Variants in ZFYVE16 observed in about 807,000 individuals in gnomAD.
ZFYVE16 encodes zinc finger FYVE domain-containing protein 16.
A neutral mutation model predicts 138.1 loss-of-function variants in ZFYVE16; 89 were observed. The observed-to-expected ratio is 0.64, with a 90% CI of 0.54 to 0.77. The LOEUF is 0.77. ZFYVE16 is among the 30% of genes least tolerant of loss of function. The probability of loss-of-function intolerance (pLI) is 0.00; values close to 1 mark genes in which losing one functional copy is unlikely to be tolerated. For synonymous variants in ZFYVE16, 596 were observed against 618.3 expected, an observed-to-expected ratio of 0.96 and a Z score of 0.53; for missense variants, 1,793 against 1,786.7, an observed-to-expected ratio of 1.00 and a Z score of -0.06.
intron 14 of ZFYVE16, among the ~76,000 whole-genome samples, chr5:80,458,564 C>T (rs1752773149): frequency 1.3e-5 from 2 of 152,198 alleles, no homozygotes; most frequent in Admixed American, 6.5e-5. Context: ...CTTTTATATT[C>T]TACAGAACTT....
chr5:80,436,651 T>G (rs1006281040), intron 3 of ZFYVE16, 105 bp from the exon 4 acceptor site: 1 of 1,038,600 alleles, frequency 9.6e-7, no homozygotes, highest in Non-Finnish European at 1.4e-6. Flanking sequence ...TAATCTATGT[T>G]CTTTTAAAAA....
rs190758105 is a variant in ZFYVE16, at chr5:80,464,254, T to C, written c.4024+4760T>C. ...TATAAAGGAAAGAGGTTTAATTGAC[T>C]CACAGTTCAGCACAGCCTCAGGAAA... On this transcript the variant is annotated intron_variant, in intron 15 of 18. Transcript: ENST00000505560. Among the ~76,000 whole-genome samples the C allele has an allele frequency of 2.9e-3, 432 of 151,380 alleles. 2 individuals are homozygous for C. Among genetic ancestry groups the C allele is most frequent in the African/African-American group, 0.01 (416 of 41,482 alleles).
At chr5:80,447,942 T>A (rs1231747801) in intron 7 of ZFYVE16, 84 bp from the exon 8 acceptor site, 1 of 1,191,490 alleles carries the variant, frequency 8.4e-7, no homozygotes, top group African/African-American at 1.6e-5. Flanking sequence ...ATTAAAAAGA[T>A]ATGTTTGGCT....
In ZFYVE16 at chr5:80,455,789, T is replaced by A; in HGVS notation, c.3690+15T>A. 1 of 1,552,914 alleles carries A rather than the reference T, an allele frequency of 6.4e-7. No individual in the cohort carries two copies. The highest frequency in any genetic ancestry group is 1.4e-5 in the African/African-American group (1 of 70,856). On this transcript the variant is annotated intron_variant, in intron 12 of 18. Transcript: ENST00000505560. ...ACTTACTTGTTGTGAGTAATTGAAC[T>A]ATTTTATTAGGTATTTTTATACTGT...
chr5:80,443,072 T>A, intron 5 of ZFYVE16, 51 bp from the exon 6 acceptor site: 1 of 1,461,264 alleles, frequency 6.8e-7, no homozygotes, highest in Non-Finnish European at 9.0e-7. Context: ...TACTTTGAAG[T>A]AAATTCCAAA....
At chr5:80,451,130 G>A (rs1021679337) in intron 10 of ZFYVE16, among the ~76,000 whole-genome samples, 1 of 151,970 alleles carries the variant, frequency 6.6e-6, no homozygotes, top group Non-Finnish European at 1.5e-5. Flanking sequence ...TGATTTTTCA[G>A]TGTATCTATG....
Position 80,448,377 on chromosome 5 carries a change from C to A in ZFYVE16, c.3076C>A (p.Leu1026Met). 1 of 1,557,786 alleles carries A rather than the reference C, an allele frequency of 6.4e-7. No individual in the cohort carries two copies. Among genetic ancestry groups the A allele is most frequent in the South Asian group, 1.2e-5 (1 of 81,496 alleles). Reference sequence around the variant, plus strand: ...TGATGAGGACAGTTTGCCCCCACTTCTGGTTGCATCTGGAGAAAAGGGATC... The same window carrying A: ...TGATGAGGACAGTTTGCCCCCACTTATGGTTGCATCTGGAGAAAAGGGATC... Reference protein sequence around the residue: ...PNDEDSLPPLLVASGEKGSVP... With the variant: ...PNDEDSLPPLMVASGEKGSVP... Residue 1026 changes from leucine to methionine, a missense_variant, in exon 8 of 19, where the codon CTG becomes ATG. Coordinates refer to ENST00000505560, the MANE Select transcript of ZFYVE16 (RefSeq NM_001284236.3).
At chr5:80,452,002 A>G (rs1434086133) in intron 11 of ZFYVE16, 1 of 259,672 alleles carries the variant, frequency 3.9e-6, no homozygotes, top group Non-Finnish European at 7.2e-6. Flanking sequence ...CCATATCTGA[A>G]ATGTATTGGA....
At chr5:80,409,211 C>T (rs1376451833) in intron 1 of ZFYVE16, among the ~76,000 whole-genome samples, 1 of 152,056 alleles carries the variant, frequency 6.6e-6, no homozygotes, top group African/African-American at 2.4e-5. Flanking sequence ...ATTTAAATTA[C>T]GTTGTAAGCA....
intron 1 of ZFYVE16, chr5:80,409,731 C>A (rs942248640): frequency 6.6e-6 from 1 of 152,188 alleles, no homozygotes; most frequent in Non-Finnish European, 1.5e-5. Flanking sequence ...TGAACAGATA[C>A]GTAGCAGGAA....
intron 2 of ZFYVE16, among the ~76,000 whole-genome samples, chr5:80,433,101 G>T (rs13166575): frequency 0.12 from 18,061 of 152,162 alleles, 1,295 homozygotes; most frequent in Middle Eastern, 0.23. Flanking sequence ...ATACCCAAAG[G>T]ACTATAAATC....
chr5:80,432,777 C>A (rs1177101256), intron 2 of ZFYVE16, among the ~76,000 whole-genome samples: 1 of 152,074 alleles, frequency 6.6e-6, no homozygotes, highest in African/African-American at 2.4e-5. Flanking sequence ...AACAAGTGGG[C>A]GAAGGATATG....
At chr5:80,407,844 G>A (rs934992939), upstream of ZFYVE16, among the ~76,000 whole-genome samples, 2 of 152,208 alleles carry the variant, frequency 1.3e-5, no homozygotes, top group East Asian at 3.9e-4. Flanking sequence ...GAATCATCAG[G>A]CGTCCCCGTC....
intron 15 of ZFYVE16, among the ~76,000 whole-genome samples, chr5:80,461,103 T>C (rs533221912): frequency 2.6e-4 from 40 of 152,356 alleles, no homozygotes; most frequent in Non-Finnish European, 5.4e-4. Context: ...TTCAAAATCC[T>C]AAACTCTTTG....
At chr5:80,458,017 G>T (rs1752704650) in intron 14 of ZFYVE16, among the ~76,000 whole-genome samples, 1 of 131,770 alleles carries the variant, frequency 7.6e-6, no homozygotes, top group South Asian at 2.5e-4. Context: ...CAGAGAAACA[G>T]AGCGAGACTA....
At chr5:80,445,948 T>C (rs1304179526) in intron 7 of ZFYVE16, among the ~76,000 whole-genome samples, 1 of 148,856 alleles carries the variant, frequency 6.7e-6, no homozygotes, top group Non-Finnish European at 1.5e-5. Context: ...CAGGCTGGAG[T>C]GCAGTGGTGC....
intron 1 of ZFYVE16, among the ~76,000 whole-genome samples, chr5:80,412,503 T>A (rs1745595468): frequency 6.6e-6 from 1 of 152,212 alleles, no homozygotes; most frequent in East Asian, 1.9e-4. Context: ...TAATGAGATT[T>A]CATGTTAAAA....
chr5:80,411,134 A>ATTTTTTTTTTTTTT (rs58086060), intron 1 of ZFYVE16, among the ~76,000 whole-genome samples: 5 of 95,236 alleles, frequency 5.3e-5, no homozygotes, highest in South Asian at 4.1e-4. Context: ...CGCCCAGCTA[A>ATTTTTTTTTTTTTT]TTTTTTTTTT....
In ZFYVE16 at chr5:80,455,299, C is replaced by T. The variant is rs141807095; in HGVS notation, c.3608-393C>T. 322 of 206,508 alleles carry T rather than the reference C, an allele frequency of 1.6e-3. 2 individuals are homozygous for T. The highest frequency in any genetic ancestry group is 7.3e-3 in the African/African-American group (307 of 41,808). The allele number at this position is 206,508 out of a possible 1,614,324, so 12.8% of individuals were successfully genotyped here. On this transcript the variant is annotated intron_variant, in intron 11 of 18. Coordinates refer to ENST00000505560, the MANE Select transcript of ZFYVE16 (RefSeq NM_001284236.3). ...CTGTAATCCCAGCACTTTGGGAGGC[C>T]GAGGTGGGTGGATCACCTGAGGTCA... is the stretch of plus-strand genomic sequence containing the variant.
Sources: allele counts gnomAD v4.1 joint callset (sites outside exome capture counted in the v4.1 genomes callset), GRCh38; gene constraint gnomAD v4.1.1; transcripts MANE v1.5; gene names NCBI Gene and HGNC (gene_info 2026-07-23, HGNC 2026-07-21).